EBF2: variants seen among roughly 807,000 people sequenced by gnomAD.
EBF2 encodes the protein transcription factor COE2.
Under a neutral mutation model 72.8 loss-of-function variants are expected in EBF2, and 21 were observed. The observed-to-expected ratio is 0.29, with a 90% CI of 0.20 to 0.42. EBF2 has a LOEUF of 0.42. EBF2 is among the 10% of genes least tolerant of loss of function. EBF2 has a pLI of 1.00. For synonymous variants in EBF2, 299 were observed against 274.2 expected, an observed-to-expected ratio of 1.09 and a Z score of -0.89; for missense variants, 637 against 731.2, an observed-to-expected ratio of 0.87 and a Z score of 1.49.
chr8:25,949,105 C>G (rs142537297), intron 6 of EBF2, among the ~76,000 whole-genome samples: 67 of 152,324 alleles, frequency 4.4e-4, no homozygotes, highest in African/African-American at 1.5e-3. Context: ...CAAATACTAT[C>G]TACACATTAA....
intron 6 of EBF2, chr8:26,032,373 A>C (rs923296307): frequency 6.6e-6 from 1 of 152,196 alleles, no homozygotes; most frequent in African/African-American, 2.4e-5. Flanking sequence ...AGAAAGAAGC[A>C]ATAGGGAATT....
intron 6 of EBF2, among the ~76,000 whole-genome samples, chr8:25,917,395 C>G (rs1803236095): frequency 6.6e-6 from 1 of 152,096 alleles, no homozygotes. Flanking sequence ...ATGAGACACA[C>G]ACTAAGAGCA....
At chr8:25,956,476 G>T (rs1803950084) in intron 6 of EBF2, among the ~76,000 whole-genome samples, 1 of 152,082 alleles carries the variant, frequency 6.6e-6, no homozygotes, top group Non-Finnish European at 1.5e-5. Flanking sequence ...TTGTTACATG[G>T]ATATATTGCA....
chr8:25,995,063 T>C (rs972831133), intron 6 of EBF2, among the ~76,000 whole-genome samples: 5 of 152,176 alleles, frequency 3.3e-5, no homozygotes, highest in African/African-American at 9.7e-5. Flanking sequence ...CCCAGCACTT[T>C]GGGAGGTTGA....
intron 14 of EBF2, among the ~76,000 whole-genome samples, chr8:25,852,051 C>G (rs1801989311): frequency 6.6e-6 from 1 of 152,152 alleles, no homozygotes; most frequent in Non-Finnish European, 1.5e-5. Flanking sequence ...AACATCTTAT[C>G]CTTAAAGTAG....
chr8:25,943,536 G>A (rs1803715515), intron 6 of EBF2, among the ~76,000 whole-genome samples: 1 of 151,904 alleles, frequency 6.6e-6, no homozygotes, highest in East Asian at 1.9e-4. Context: ...TTAAATAAAT[G>A]TTTAAAACCT....
chr8:25,986,021 A>AAAAAAAAAAAAAAAAAAT (rs1563200316), intron 6 of EBF2, among the ~76,000 whole-genome samples: 1 of 149,186 alleles, frequency 6.7e-6, no homozygotes, highest in Non-Finnish European at 1.5e-5. Flanking sequence ...AAAAAAAAAA[A>AAAAAAAAAAAAAAAAAAT]AAAAGTACAT....
chr8:25,979,892 C>T (rs1284317764), intron 6 of EBF2, among the ~76,000 whole-genome samples: 1 of 152,096 alleles, frequency 6.6e-6, no homozygotes, highest in African/African-American at 2.4e-5. Context: ...TAACACCCAC[C>T]CAACCATCCC....
At chr8:26,005,434 T>TATTATATAG (rs1804847346) in intron 6 of EBF2, among the ~76,000 whole-genome samples, 1 of 14,366 alleles carries the variant, frequency 7.0e-5, no homozygotes, top group East Asian at 1.6e-3. Context: ...ATATTATATA[T>TATTATATAG]ATTATATTAT....
chr8:26,033,271 T>C (rs1563214615), intron 5 of EBF2, 118 bp from the exon 6 acceptor site: 5 of 944,052 alleles, frequency 5.3e-6, no homozygotes, highest in Non-Finnish European at 6.6e-6. Flanking sequence ...CACCAGGCTG[T>C]AGTACAATGG....
intron 6 of EBF2, among the ~76,000 whole-genome samples, chr8:25,942,848 A>T (rs1034578902): frequency 6.6e-6 from 1 of 152,054 alleles, no homozygotes; most frequent in Non-Finnish European, 1.5e-5. Flanking sequence ...AGAATTTTCC[A>T]CGCTCTTCTG....
At chr8:25,991,683 TA>T (rs1341433024) in intron 6 of EBF2, among the ~76,000 whole-genome samples, 1 of 151,938 alleles carries the variant, frequency 6.6e-6, no homozygotes, top group South Asian at 2.1e-4. Flanking sequence ...CCATCTCTAC[TA>T]AAAATAGAAA....
At chr8:25,865,881 C>T (rs982159924) in intron 10 of EBF2, among the ~76,000 whole-genome samples, 2 of 151,754 alleles carry the variant, frequency 1.3e-5, no homozygotes, top group African/African-American at 2.4e-5. Context: ...AAAAATTAGC[C>T]GGGCGTGGTG....
At chr8:25,991,307 A>G (rs927766417) in intron 6 of EBF2, among the ~76,000 whole-genome samples, 3 of 152,336 alleles carry the variant, frequency 2.0e-5, no homozygotes, top group South Asian at 2.1e-4. Context: ...GAGCAAGAAT[A>G]TATCACAGAA....
intron 7 of EBF2, 84 bp downstream of exon 7, chr8:25,908,390 A>G (rs933620387): frequency 1.8e-6 from 2 of 1,090,862 alleles, no homozygotes; most frequent in African/African-American, 3.2e-5. Context: ...AGTAATTTTT[A>G]AAGAAAAAGA....
chr8:25,994,025 C>A lies in EBF2; in HGVS notation c.551+39060G>T, dbSNP rs147833192. 6.1e-3 allele frequency among the ~76,000 whole-genome samples: 918 copies of A among 151,704 alleles called. 1 individual carries two copies. The highest frequency in any genetic ancestry group is 0.01 in the Middle Eastern group (3 of 294). On this transcript the variant is annotated intron_variant, in intron 6 of 15. Coordinates refer to ENST00000520164, the MANE Select transcript of EBF2 (RefSeq NM_022659.4). ...GTCAGAAAACATAGGACCTATATAC[C>A]CTGCTTGACAAGATTATTAAAGATG...
intron 6 of EBF2, among the ~76,000 whole-genome samples, chr8:26,005,081 G>C (rs1804816884): frequency 6.8e-6 from 1 of 147,634 alleles, no homozygotes; most frequent in Admixed American, 7.1e-5. Flanking sequence ...CAAGTACAAT[G>C]GCAAAAAAAT....
At chr8:25,894,919 T>C (rs1802842392) in intron 7 of EBF2, among the ~76,000 whole-genome samples, 5 of 152,316 alleles carry the variant, frequency 3.3e-5, no homozygotes, top group African/African-American at 7.2e-5. Context: ...AACATACGGA[T>C]AGTAATCCAT....
At chr8:25,921,715 C>A (rs1297064444) in intron 6 of EBF2, among the ~76,000 whole-genome samples, 1 of 152,222 alleles carries the variant, frequency 6.6e-6, no homozygotes, top group African/African-American at 2.4e-5. Flanking sequence ...TTTGTGCTAA[C>A]TCTGGTCATC....
Sources: allele counts gnomAD v4.1 joint callset (sites outside exome capture counted in the v4.1 genomes callset), GRCh38; gene constraint gnomAD v4.1.1; transcripts MANE v1.5; gene names NCBI Gene and HGNC (gene_info 2026-07-23, HGNC 2026-07-21).